Variants in PIEZO2 observed in about 807,000 individuals in gnomAD.
PIEZO2 encodes the protein piezo-type mechanosensitive ion channel component 2.
Under a neutral mutation model 337.3 loss-of-function variants are expected in PIEZO2, and 172 were observed. The observed-to-expected ratio is 0.51, with a 90% CI of 0.45 to 0.58. The LOEUF is 0.58. Ranked by LOEUF, PIEZO2 falls within the 20% of genes least tolerant of loss-of-function variation. The probability of loss-of-function intolerance (pLI) is 0.00; values close to 1 mark genes in which losing one functional copy is unlikely to be tolerated. For missense variants in PIEZO2, 3,028 were observed against 3,391.3 expected, an observed-to-expected ratio of 0.89 and a Z score of 2.66; for synonymous variants, 1,251 against 1,228.5, an observed-to-expected ratio of 1.02 and a Z score of -0.38.
chr18:10,763,006 G>C lies in PIEZO2; in HGVS notation c.3039C>G (p.Val1013=), dbSNP rs1158108035. ...TGCAGACGATGATCACACACGTCCAGACTGTGCAGACACTTGAAGCCAGAC... is the reference window on the plus strand; with the variant it reads ...TGCAGACGATGATCACACACGTCCACACTGTGCAGACACTTGAAGCCAGAC... ...LRRLASSVCT[V]WTCVIIVCKM... Residue 1013 remains valine, a synonymous_variant, in exon 22 of 56, where the codon GTC becomes GTG. Coordinates refer to ENST00000674853, the MANE Select transcript of PIEZO2 (RefSeq NM_001378183.1). 16 of 1,537,326 alleles carry C rather than the reference G, an allele frequency of 1.0e-5. No individual in the cohort carries two copies. Among genetic ancestry groups the C allele is most frequent in the Non-Finnish European group, 1.4e-5 (16 of 1,146,922 alleles).
intron 36 of PIEZO2, 134 bp from the exon 37 acceptor site, chr18:10,718,393 G>T (rs550345436): frequency 2.7e-6 from 2 of 733,994 alleles, no homozygotes; most frequent in South Asian, 1.8e-5. Context: ...CTTGGGGAAA[G>T]GTTGTTAGAA....
chr18:10,880,877 ATATATATATATATATATATATAT>A (rs2042397025), intron 4 of PIEZO2, among the ~76,000 whole-genome samples: 1 of 91,230 alleles, frequency 1.1e-5, no homozygotes, highest in South Asian at 3.9e-4. Flanking sequence ...ATATATATAT[ATATATATATATATATATATATAT>A]AATTTTGATA....
At chr18:10,732,043 A>G (rs1040231036) in intron 35 of PIEZO2, among the ~76,000 whole-genome samples, 1 of 152,172 alleles carries the variant, frequency 6.6e-6, no homozygotes, top group Non-Finnish European at 1.5e-5. Flanking sequence ...TTTGCGAGGA[A>G]AAAAAATGTG....
In PIEZO2 at chr18:10,773,667, G is replaced by A; in HGVS notation, c.2568-38C>T. 6.6e-7 allele frequency: 1 copy of A among 1,524,146 alleles called. No individual in the cohort carries two copies. The highest frequency in any genetic ancestry group is 8.8e-7 in the Non-Finnish European group (1 of 1,135,480). 94.4% of individuals were successfully genotyped at this position (1,524,146 alleles called of 1,614,324 possible). On this transcript the variant is annotated intron_variant, in intron 19 of 55. Transcript: ENST00000674853. The surrounding 1 kb of genome is among the most constrained non-coding windows in gnomAD (Gnocchi z 5.3). ...AGCAGCTGAGTCAGAAGAGGAAAGG[G>A]TGTTGGGAGAGATTTGACTGAGGGG...
Position 11,012,352 on chromosome 18 carries a change from C to T in PIEZO2, c.161-32692G>A, listed in dbSNP as rs137858530. Among the ~76,000 whole-genome samples the T allele has an allele frequency of 1.2e-3, 190 of 152,254 alleles. 1 individual carries two copies. The highest frequency in any genetic ancestry group is 4.4e-3 in the African/African-American group (182 of 41,546). On this transcript the variant is annotated intron_variant, in intron 2 of 55. Coordinates refer to ENST00000674853, the MANE Select transcript of PIEZO2 (RefSeq NM_001378183.1). Reference sequence around the variant, plus strand: ...ACATTTAAAATAAGAAACTGATAATCTAAGTTCCAAGCATATAGGACACTT... The same window carrying T: ...ACATTTAAAATAAGAAACTGATAATTTAAGTTCCAAGCATATAGGACACTT...
chr18:10,841,929 G>A (rs114435775), intron 7 of PIEZO2, among the ~76,000 whole-genome samples: 1,950 of 152,170 alleles, frequency 0.013, 42 homozygotes, highest in African/African-American at 0.044. Flanking sequence ...TTTGGGAGAC[G>A]GGTGGATCAC....
intron 3 of PIEZO2, among the ~76,000 whole-genome samples, chr18:10,956,737 G>A (rs1428104450): frequency 6.6e-6 from 1 of 152,136 alleles, no homozygotes; most frequent in Non-Finnish European, 1.5e-5. Context: ...CTGGGAGGCC[G>A]AGGCGAGTGG....
rs146594230 is a variant in PIEZO2 at position 10,682,352 on chromosome 18, C to T, written c.7498-60G>A. The stretch of plus-strand genomic sequence containing the variant: ...GGCTCAGGTGCTTTCCCGCAGGCAG[C>T]GGGATTGGGGGAGAGCGAGTGCTCT... On this transcript the variant is annotated intron_variant, in intron 49 of 55. Transcript: ENST00000674853. This position sits in a 1 kb window ranked among gnomAD's most constrained non-coding sequence, Gnocchi z 5.6. 1.7e-5 allele frequency: 24 copies of T among 1,434,378 alleles called. No homozygotes were observed. The highest frequency in any genetic ancestry group is 8.5e-5 in the African/African-American group (6 of 70,800). The allele number at this position is 1,434,378 out of a possible 1,614,324, so 88.9% of individuals were successfully genotyped here.
intron 36 of PIEZO2, among the ~76,000 whole-genome samples, chr18:10,730,611 A>G (rs1257273074): frequency 2.0e-5 from 3 of 152,142 alleles, no homozygotes; most frequent in African/African-American, 7.2e-5. Flanking sequence ...CATGTTTTCA[A>G]ATATCTTGGT....
intron 35 of PIEZO2, among the ~76,000 whole-genome samples, chr18:10,732,999 T>C (rs972087242): frequency 3.6e-5 from 3 of 84,102 alleles, no homozygotes; most frequent in African/African-American, 6.5e-5. Context: ...AAAAAAGTAA[T>C]TGAGGATTTG....
intron 4 of PIEZO2, chr18:10,908,359 G>A (rs563137117): frequency 1.3e-4 from 20 of 152,134 alleles, no homozygotes; most frequent in South Asian, 1.2e-3. Flanking sequence ...AAAATAATCC[G>A]CTGGCAACCA....
At chr18:10,734,124 G>T (rs2036899285) in intron 35 of PIEZO2, among the ~76,000 whole-genome samples, 1 of 151,994 alleles carries the variant, frequency 6.6e-6, no homozygotes, top group Non-Finnish European at 1.5e-5. Flanking sequence ...TAATTTTTTT[G>T]AAAAGAAACT....
intron 47 of PIEZO2, among the ~76,000 whole-genome samples, chr18:10,691,804 G>A (rs8092583): frequency 0.3 from 29,615 of 99,976 alleles, 6,673 homozygotes; most frequent in East Asian, 0.53. Flanking sequence ...TATATATAGA[G>A]AGAGAGAGAG....
At chr18:10,910,557 T>A (rs1354101668) in intron 4 of PIEZO2, among the ~76,000 whole-genome samples, 1 of 151,486 alleles carries the variant, frequency 6.6e-6, no homozygotes, top group Non-Finnish European at 1.5e-5. Context: ...CACTCCAGCC[T>A]GGGTAACAGA....
rs763625903 is a variant in PIEZO2, at chr18:11,077,561, T to C, written c.65-11339A>G. Reference sequence around the variant, plus strand: ...GGTGCATGCCTATAGTCCCAGCTACTCTACATGGGAGACTGAGGTGGGAGG... The same window carrying C: ...GGTGCATGCCTATAGTCCCAGCTACCCTACATGGGAGACTGAGGTGGGAGG... On this transcript the variant is annotated intron_variant, in intron 1 of 55. Coordinates refer to ENST00000674853, the MANE Select transcript of PIEZO2 (RefSeq NM_001378183.1). The surrounding 1 kb of genome is among the most constrained non-coding windows in gnomAD (Gnocchi z 4.8). Among the ~76,000 whole-genome samples the C allele has an allele frequency of 2.6e-5, 4 of 152,122 alleles. No homozygotes were observed. Among genetic ancestry groups the C allele is most frequent in the Non-Finnish European group, 5.9e-5 (4 of 68,008 alleles).
rs1201984109 is a variant in PIEZO2, at chr18:10,903,481, C to T, written c.329+7705G>A. Among the ~76,000 whole-genome samples, 1 of 152,008 alleles carries T rather than the reference C, an allele frequency of 6.6e-6. No homozygotes were observed. The highest frequency in any genetic ancestry group is 1.5e-5 in the Non-Finnish European group (1 of 67,998). ...AAGAGATCGAGACCATCCTGGCCAA[C>T]AACATGGTGAAACCCCGTCTCTACC... On this transcript the variant is annotated intron_variant, in intron 4 of 55. Transcript: ENST00000674853. The surrounding 1 kb of genome is among the most constrained non-coding windows in gnomAD (Gnocchi z 4.1).
At chr18:11,090,453 A>G (rs1598943675) in intron 1 of PIEZO2, among the ~76,000 whole-genome samples, 1 of 152,324 alleles carries the variant, frequency 6.6e-6, no homozygotes, top group Admixed American at 6.5e-5. Flanking sequence ...GACACAGTCT[A>G]ATGGGTTTAC....
chr18:11,020,000 G>A (rs1205316268), intron 2 of PIEZO2, among the ~76,000 whole-genome samples: 1 of 151,886 alleles, frequency 6.6e-6, no homozygotes, highest in East Asian at 1.9e-4. Flanking sequence ...AACTCTCTTG[G>A]GGATGATTTT....
At chr18:10,696,015 C>A in intron 47 of PIEZO2, 59 bp downstream of exon 47, 1 of 1,500,978 alleles carries the variant, frequency 6.7e-7, no homozygotes, top group Non-Finnish European at 9.3e-7. Flanking sequence ...GCGAGTATCA[C>A]CTCAGGAAAC....
Sources: allele counts gnomAD v4.1 joint callset (sites outside exome capture counted in the v4.1 genomes callset), GRCh38; gene constraint gnomAD v4.1.1; non-coding constraint Gnocchi (gnomAD v3.1); transcripts MANE v1.5; gene names NCBI Gene and HGNC (gene_info 2026-07-23, HGNC 2026-07-21).